Variants in CCDC150 observed in about 807,000 individuals in gnomAD.
CCDC150 encodes the protein coiled-coil domain-containing protein 150.
CCDC150 carries 151 observed loss-of-function variants against 156.5 expected under a neutral mutation model. That is an observed-to-expected ratio of 0.97 (90% CI 0.85 to 1.10). The LOEUF (loss-of-function observed/expected upper bound fraction) is 1.10. CCDC150 is among the 50% of genes least tolerant of loss of function. CCDC150 has a pLI of 0.00. For missense variants in CCDC150, 1,312 were observed against 1,268.1 expected (o/e 1.03, Z -0.53); for synonymous variants, 452 against 429.4 (o/e 1.05, Z -0.65).
At chr2:196,724,426 T>C (rs191387974) in intron 21 of CCDC150, among the ~76,000 whole-genome samples, 1 of 152,314 alleles carries the variant, frequency 6.6e-6, no homozygotes, top group African/African-American at 2.4e-5. Flanking sequence ...ATTTAAATTT[T>C]TAGAGCTAGA....
At chr2:196,720,812 AT>A (rs1378542107) in intron 20 of CCDC150, 144 bp downstream of exon 20, 2 of 701,438 alleles carry the variant, frequency 2.9e-6, no homozygotes, top group Non-Finnish European at 4.7e-6. Context: ...ATATCTACAA[AT>A]GGGAAATTGA....
At chr2:196,657,208 C>A in intron 4 of CCDC150, 72 bp downstream of exon 4, 2 of 1,434,696 alleles carry the variant, frequency 1.4e-6, no homozygotes, top group Middle Eastern at 1.8e-4. Flanking sequence ...AGACCTATGA[C>A]GCGACTTTTA....
At chr2:196,692,111 T>A (rs1352290791) in intron 13 of CCDC150, among the ~76,000 whole-genome samples, 1 of 149,262 alleles carries the variant, frequency 6.7e-6, no homozygotes, top group Admixed American at 6.8e-5. Flanking sequence ...GGTTGTAAAC[T>A]TGAGATCTAA....
At chr2:196,714,424 A>G (rs1431105335) in intron 17 of CCDC150, among the ~76,000 whole-genome samples, 1 of 152,164 alleles carries the variant, frequency 6.6e-6, no homozygotes, top group African/African-American at 2.4e-5. Context: ...CCAATCCAAG[A>G]CACTCTCCCT....
intron 15 of CCDC150, among the ~76,000 whole-genome samples, chr2:196,711,711 C>A (rs923023658): frequency 2.0e-5 from 3 of 152,080 alleles, no homozygotes; most frequent in African/African-American, 7.2e-5. Flanking sequence ...GCCTGTTCTC[C>A]ACCCCATTCC....
chr2:196,720,718 T>G, intron 20 of CCDC150, 50 bp downstream of exon 20: 1 of 1,490,526 alleles, frequency 6.7e-7, no homozygotes, highest in Middle Eastern at 1.7e-4. Context: ...TTAGTTTTAT[T>G]GGGATATTAC....
At position 196,657,083 on chromosome 2, in the gene CCDC150, C is replaced by G; in HGVS notation, c.523C>G (p.Gln175Glu). 6.2e-7 allele frequency: 1 copy of G among 1,613,820 alleles called. No individual in the cohort carries two copies. Among genetic ancestry groups the G allele is most frequent in the Non-Finnish European group, 8.5e-7 (1 of 1,179,768 alleles). The change falls in exon 4 of 28, where the codon CAA becomes GAA. Residue 175 changes from glutamine to glutamate, a missense_variant. Transcript: ENST00000389175. ...RAVKEEEDKAQDEVQRLTATL... is the reference protein window; with the variant it reads ...RAVKEEEDKAEDEVQRLTATL... ...TGTAAAAGAGGAAGAAGACAAGGCA[C>G]AAGATGAGGTGCAAAGGTTGACTGC...
At chr2:196,641,224 G>T (rs565943508) in intron 1 of CCDC150, among the ~76,000 whole-genome samples, 7 of 151,962 alleles carry the variant, frequency 4.6e-5, no homozygotes, top group African/African-American at 1.2e-4. Context: ...TGATCTGCCC[G>T]CCTCGGCCTT....
chr2:196,704,379 A>G (rs952292700), intron 15 of CCDC150, among the ~76,000 whole-genome samples: 8 of 152,302 alleles, frequency 5.3e-5, no homozygotes, highest in Non-Finnish European at 1.0e-4. Flanking sequence ...AATAATAACA[A>G]TGATGATATG....
Position 196,712,204 on chromosome 2 carries a change from T to A in CCDC150, c.1755T>A (p.Asn585Lys), listed in dbSNP as rs745874592. The change falls in exon 16 of 28, where the codon AAT becomes AAA. Residue 585 changes from asparagine (N) to lysine (K), a missense_variant. By Grantham distance (94) the Asn-to-Lys change is moderately conservative. Transcript: ENST00000389175. ...VQSFTDTSLQNDHLRKMNKYL... is the reference protein window; with the variant it reads ...VQSFTDTSLQKDHLRKMNKYL... Reference sequence around the variant, plus strand: ...CTTTTACTGACACCAGCTTACAGAATGATCATCTACGCAAGATGAATAAGT... The same window carrying A: ...CTTTTACTGACACCAGCTTACAGAAAGATCATCTACGCAAGATGAATAAGT... 14 of 1,586,706 alleles carry A rather than the reference T, an allele frequency of 8.8e-6. No homozygotes were observed. The highest frequency in any genetic ancestry group is 4.5e-5 in the East Asian group (2 of 44,410).
At chr2:196,673,853 G>A (rs923891928) in intron 9 of CCDC150, among the ~76,000 whole-genome samples, 1 of 152,106 alleles carries the variant, frequency 6.6e-6, no homozygotes, top group African/African-American at 2.4e-5. Context: ...AGGAGCTTAG[G>A]TATTTTGTGT....
Position 196,676,236 on chromosome 2 carries a change from C to A in CCDC150, c.1231C>A (p.Gln411Lys). The change falls in exon 11 of 28, where the codon CAG becomes AAG. Residue 411 changes from glutamine (Q) to lysine (K), a missense_variant. Transcript: ENST00000389175. ...ASITNELQTV[Q>K]NEKTQLQAHL... ...TATCACAAATGAACTACAGACTGTTCAGAATGAGAAAACCCAACTCCAGGC... is the reference window on the plus strand; with the variant it reads ...TATCACAAATGAACTACAGACTGTTAAGAATGAGAAAACCCAACTCCAGGC... 10 of 1,613,514 alleles carry A rather than the reference C, an allele frequency of 6.2e-6. No homozygotes were observed. Among genetic ancestry groups the A allele is most frequent in the Non-Finnish European group, 8.5e-6 (10 of 1,179,602 alleles).
intron 15 of CCDC150, among the ~76,000 whole-genome samples, chr2:196,703,287 C>G (rs770383599): frequency 2.6e-5 from 4 of 152,068 alleles, no homozygotes; most frequent in Non-Finnish European, 4.4e-5. Context: ...AATAGCAGGC[C>G]ATCTAAAAGG....
intron 22 of CCDC150, among the ~76,000 whole-genome samples, chr2:196,728,920 A>G (rs1191467455): frequency 6.6e-6 from 1 of 152,234 alleles, no homozygotes; most frequent in Non-Finnish European, 1.5e-5. Flanking sequence ...ATTTGGACAG[A>G]TGCCTGACTC....
intron 1 of CCDC150, among the ~76,000 whole-genome samples, chr2:196,645,155 C>T (rs1473410860): frequency 6.6e-6 from 1 of 151,986 alleles, no homozygotes; most frequent in Non-Finnish European, 1.5e-5. Flanking sequence ...TTTTCTGGAA[C>T]CTGTGGGAAG....
chr2:196,644,978 G>T (rs1427440814), intron 1 of CCDC150, among the ~76,000 whole-genome samples: 1 of 131,454 alleles, frequency 7.6e-6, no homozygotes, highest in South Asian at 2.5e-4. Context: ...AAAAAAATTA[G>T]CCGGGCATGG....
intron 2 of CCDC150, among the ~76,000 whole-genome samples, chr2:196,646,793 TAAAA>T (rs1166059921): frequency 6.8e-6 from 1 of 146,112 alleles, no homozygotes; most frequent in Non-Finnish European, 1.5e-5. Flanking sequence ...TTTCATGTAA[TAAAA>T]AAAGATTTGT....
At chr2:196,697,627 G>A (rs1259939850) in intron 14 of CCDC150, among the ~76,000 whole-genome samples, 1 of 152,102 alleles carries the variant, frequency 6.6e-6, no homozygotes, top group Admixed American at 6.6e-5. Context: ...AGATGTCTAA[G>A]TTGGTTTGAT....
At chr2:196,690,841 T>C (rs924310833) in intron 13 of CCDC150, among the ~76,000 whole-genome samples, 6 of 152,196 alleles carry the variant, frequency 3.9e-5, no homozygotes, top group Non-Finnish European at 7.3e-5. Context: ...GGCTGTGGGT[T>C]TGTCATAGAT....
Sources: gnomAD v4.1 joint callset for allele counts (sites outside exome capture counted in the v4.1 genomes callset) on GRCh38, gnomAD v4.1.1 for gene constraint, MANE v1.5 for transcripts, NCBI Gene and HGNC (gene_info 2026-07-23, HGNC 2026-07-21) for gene names.